NRXN3: variants seen among roughly 807,000 people sequenced by gnomAD.
NRXN3 encodes neurexin III.
In NRXN3, 32 loss-of-function variants were observed where a neutral mutation model predicts 137.6. That is an observed-to-expected ratio of 0.23 (90% CI 0.18 to 0.31). The LOEUF is 0.31. NRXN3 is among the 10% of genes least tolerant of loss of function. The pLI is 1.00. For synonymous variants in NRXN3, 798 were observed against 784.5 expected, an observed-to-expected ratio of 1.02 and a Z score of -0.29; for missense variants, 1,574 against 2,062.5, an observed-to-expected ratio of 0.76 and a Z score of 4.59.
chr14:78,389,059 T>C (rs1305575931), intron 4 of NRXN3, among the ~76,000 whole-genome samples: 1 of 89,718 alleles, frequency 1.1e-5, no homozygotes, highest in African/African-American at 3.1e-5. Flanking sequence ...TAAGTTTCTT[T>C]TTTTTTTTTT....
intron 15 of NRXN3, among the ~76,000 whole-genome samples, chr14:79,160,186 G>A (rs1263966202): frequency 6.6e-6 from 1 of 151,828 alleles, no homozygotes; most frequent in Non-Finnish European, 1.5e-5. Context: ...GTTGTAGCAG[G>A]AATTTTGAAG....
chr14:78,388,881 A>G (rs1368286985), intron 4 of NRXN3, among the ~76,000 whole-genome samples: 2 of 152,094 alleles, frequency 1.3e-5, no homozygotes, highest in African/African-American at 4.8e-5. Flanking sequence ...AATTATTATT[A>G]ATATACCATA....
intron 4 of NRXN3, among the ~76,000 whole-genome samples, chr14:78,422,166 C>T (rs1182115548): frequency 6.6e-6 from 1 of 152,160 alleles, no homozygotes; most frequent in African/African-American, 2.4e-5. Context: ...CTGCCTTTCT[C>T]CTGGGGGTCA....
chr14:79,498,399 C>T (rs571377799), intron 16 of NRXN3, among the ~76,000 whole-genome samples: 6 of 152,218 alleles, frequency 3.9e-5, no homozygotes, highest in African/African-American at 1.4e-4. Context: ...CTCACCTGAG[C>T]GGGAGACTCA....
chr14:78,606,157 C>T (rs2097251020), intron 4 of NRXN3, among the ~76,000 whole-genome samples: 1 of 152,102 alleles, frequency 6.6e-6, no homozygotes, highest in African/African-American at 2.4e-5. Context: ...CATCTGTTCC[C>T]CTTATGGCAA....
At chr14:78,779,815 G>A (rs1013100758) in intron 8 of NRXN3, among the ~76,000 whole-genome samples, 25 of 152,184 alleles carry the variant, frequency 1.6e-4, no homozygotes, top group African/African-American at 6.0e-4. Context: ...ATAAAGTCCT[G>A]AATAAGTCAT....
chr14:79,650,391 C>T lies in NRXN3; in HGVS notation c.3445-13387C>T, dbSNP rs150021758. ...GCTTCTTTCTCATTTCTCTTTTGTC[C>T]CCATCAGCGATCTATATTTTTTTAA... On this transcript the variant is annotated intron_variant, in intron 16 of 20. Coordinates refer to ENST00000335750, the MANE Select transcript of NRXN3 (RefSeq NM_001330195.2). Among the ~76,000 whole-genome samples the T allele has an allele frequency of 4.3e-3, 654 of 152,116 alleles. 2 individuals carry two copies. Among genetic ancestry groups the T allele is most frequent in the Non-Finnish European group, 7.4e-3 (503 of 68,002 alleles).
chr14:78,947,095 C>A (rs1269887793), intron 10 of NRXN3, among the ~76,000 whole-genome samples: 1 of 152,154 alleles, frequency 6.6e-6, no homozygotes, highest in Non-Finnish European at 1.5e-5. Context: ...GATAGTTCTG[C>A]TAATCTGGCC....
intron 4 of NRXN3, among the ~76,000 whole-genome samples, chr14:78,503,704 G>A (rs1183498826): frequency 1.3e-5 from 2 of 152,092 alleles, no homozygotes; most frequent in African/African-American, 4.8e-5. Flanking sequence ...TAGTCCCAGG[G>A]CCTAGGACAA....
chr14:78,547,763 C>T (rs1415047740), intron 4 of NRXN3, among the ~76,000 whole-genome samples: 2 of 150,748 alleles, frequency 1.3e-5, no homozygotes, highest in Admixed American at 6.7e-5. Flanking sequence ...CATTTCTATT[C>T]CTTAGTGATT....
chr14:79,289,976 G>A (rs774576975), intron 15 of NRXN3, among the ~76,000 whole-genome samples: 3 of 152,122 alleles, frequency 2.0e-5, no homozygotes, highest in Non-Finnish European at 4.4e-5. Context: ...CATTTTCTGA[G>A]ATACTGTCCT....
chr14:79,662,670 C>T (rs2098539742), intron 16 of NRXN3, among the ~76,000 whole-genome samples: 1 of 152,076 alleles, frequency 6.6e-6, no homozygotes, highest in Non-Finnish European at 1.5e-5. Context: ...AGCATAGCAG[C>T]ATCTGCTTCT....
intron 10 of NRXN3, among the ~76,000 whole-genome samples, chr14:78,837,492 GT>G (rs57740252): frequency 8.9e-4 from 133 of 149,452 alleles, no homozygotes; most frequent in African/African-American, 2.3e-3. Flanking sequence ...ATTTTTGTGG[GT>G]TTTTTTTTTT....
At chr14:79,044,149 G>T (rs924030190) in intron 15 of NRXN3, among the ~76,000 whole-genome samples, 2 of 152,122 alleles carry the variant, frequency 1.3e-5, no homozygotes, top group Non-Finnish European at 2.9e-5. Flanking sequence ...ACCTAATTAC[G>T]CTCAGTAAGA....
intron 2 of NRXN3, among the ~76,000 whole-genome samples, chr14:78,246,435 G>A (rs2067691778): frequency 6.6e-6 from 1 of 151,920 alleles, no homozygotes; most frequent in Admixed American, 6.6e-5. Flanking sequence ...ACCCCTATCT[G>A]TAGAAGGCAA....
At chr14:79,053,293 A>G (rs928620530) in intron 15 of NRXN3, among the ~76,000 whole-genome samples, 7 of 152,224 alleles carry the variant, frequency 4.6e-5, no homozygotes, top group African/African-American at 1.2e-4. Context: ...TAATAAGCCT[A>G]TAAGGCATAA....
At chr14:79,151,903 T>C (rs1325481528) in intron 15 of NRXN3, among the ~76,000 whole-genome samples, 1 of 152,120 alleles carries the variant, frequency 6.6e-6, no homozygotes, top group Non-Finnish European at 1.5e-5. Flanking sequence ...AATAGTGTTT[T>C]ATATTTTCAT....
chr14:79,606,309 T>TA (rs1403027669), intron 16 of NRXN3, among the ~76,000 whole-genome samples: 4 of 152,178 alleles, frequency 2.6e-5, no homozygotes, highest in Non-Finnish European at 5.9e-5. Flanking sequence ...GTTCTTTGCT[T>TA]AAAAAAAGTT....
At chr14:78,825,813 T>G (rs1374747032) in intron 10 of NRXN3, among the ~76,000 whole-genome samples, 1 of 152,232 alleles carries the variant, frequency 6.6e-6, no homozygotes, top group Non-Finnish European at 1.5e-5. Context: ...GACAGCTGGT[T>G]TAGCATCTCA....
Sources: gnomAD v4.1 joint callset for allele counts (sites outside exome capture counted in the v4.1 genomes callset) on GRCh38, gnomAD v4.1.1 for gene constraint, MANE v1.5 for transcripts, NCBI Gene and HGNC (gene_info 2026-07-23, HGNC 2026-07-21) for gene names.